Variants in PDE4B observed in about 807,000 individuals in gnomAD.
The protein encoded by PDE4B is 3',5'-cyclic-AMP phosphodiesterase 4B.
A neutral mutation model predicts 82.2 loss-of-function variants in PDE4B; 20 were observed. That is an observed-to-expected ratio of 0.24 (90% CI 0.17 to 0.35). PDE4B has a LOEUF of 0.35. PDE4B is among the 10% of genes least tolerant of loss of function. PDE4B has a pLI of 1.00. For synonymous variants in PDE4B, 320 were observed against 318.9 expected (o/e 1.00, Z -0.04); for missense variants, 655 against 907.2 (o/e 0.72, Z 3.57).
At chr1:66,250,549 G>C (rs1653680435) in intron 4 of PDE4B, among the ~76,000 whole-genome samples, 1 of 152,210 alleles carries the variant, frequency 6.6e-6, no homozygotes, top group Non-Finnish European at 1.5e-5. Context: ...CAACAAAGGA[G>C]AGGATCAGAA....
intron 7 of PDE4B, among the ~76,000 whole-genome samples, chr1:66,312,671 A>G (rs1232580860): frequency 6.6e-6 from 1 of 152,214 alleles, no homozygotes; most frequent in Non-Finnish European, 1.5e-5. Flanking sequence ...GGATGCAGAC[A>G]TCTTTAGGAG....
chr1:66,072,726 C>T (rs1656215457), intron 3 of PDE4B, among the ~76,000 whole-genome samples: 1 of 152,116 alleles, frequency 6.6e-6, no homozygotes, highest in South Asian at 2.1e-4. Flanking sequence ...GTCCTAAATA[C>T]CTGCTCTGTT....
chr1:65,997,905 G>A (rs1209150289), intron 3 of PDE4B, among the ~76,000 whole-genome samples: 1 of 152,192 alleles, frequency 6.6e-6, no homozygotes, highest in Non-Finnish European at 1.5e-5. Flanking sequence ...TAGAGAGTGA[G>A]TCAATGTGTT....
intron 8 of PDE4B, among the ~76,000 whole-genome samples, chr1:66,350,846 A>G (rs1310247098): frequency 1.3e-5 from 2 of 152,216 alleles, no homozygotes; most frequent in Non-Finnish European, 2.9e-5. Context: ...TAATCTCTGT[A>G]TGCAGTGTTA....
At chr1:66,239,112 CTTATTTAAT>C (rs1348037025) in intron 3 of PDE4B, among the ~76,000 whole-genome samples, 1 of 152,114 alleles carries the variant, frequency 6.6e-6, no homozygotes, top group African/African-American at 2.4e-5. Flanking sequence ...TAATAAAAAT[CTTATTTAAT>C]TAATAGATTG....
chr1:65,818,685 C>CACACACATATATATATATATATATAT (rs141035147), intron 1 of PDE4B, among the ~76,000 whole-genome samples: 51 of 143,766 alleles, frequency 3.5e-4, no homozygotes, highest in African/African-American at 9.9e-4. Flanking sequence ...CACACACACA[C>CACACACATATATATATATATATATAT]ATATATATAT....
chr1:66,355,040 A>G, intron 8 of PDE4B: 1 of 640,334 alleles, frequency 1.6e-6, no homozygotes, highest in South Asian at 2.1e-5. Flanking sequence ...AAATAAGAGC[A>G]TGTTATATTA....
In PDE4B at chr1:66,374,444, T is replaced by C. The variant is rs959234955; in HGVS notation, c.*1766T>C. 1.3e-5 allele frequency: 2 copies of C among 152,662 alleles called. No homozygotes were observed. The highest frequency in any genetic ancestry group is 2.4e-5 in the African/African-American group (1 of 41,452). The allele number at this position is 152,662 out of a possible 1,614,324, so 9.5% of individuals were successfully genotyped here. ...CAATGTATGTCTATGAACACTGCAT[T>C]GTTTCAGGTGGACATTTTATCATTT... is the stretch of plus-strand genomic sequence containing the variant. On this transcript the variant is annotated 3_prime_UTR_variant, in exon 17 of 17. Transcript: ENST00000341517.
At chr1:65,793,629 C>A (rs755795331) in intron 1 of PDE4B, among the ~76,000 whole-genome samples, 7 of 152,128 alleles carry the variant, frequency 4.6e-5, no homozygotes, top group Non-Finnish European at 8.8e-5. Context: ...AGGCAGCGGG[C>A]GCGGAAGGGA....
chr1:66,094,725 A>G (rs1440663466), intron 3 of PDE4B, among the ~76,000 whole-genome samples: 3 of 152,026 alleles, frequency 2.0e-5, no homozygotes, highest in Non-Finnish European at 4.4e-5. Context: ...TTAAAGTGAT[A>G]TCTGAATTCA....
intron 8 of PDE4B, among the ~76,000 whole-genome samples, chr1:66,343,434 CT>C (rs141001320): frequency 6.6e-6 from 1 of 152,130 alleles, no homozygotes; most frequent in Non-Finnish European, 1.5e-5. Context: ...AACTGTGGGG[CT>C]TTTTTTGAAA....
chr1:66,282,071 C>G (rs1012884779), intron 7 of PDE4B, among the ~76,000 whole-genome samples: 1 of 152,192 alleles, frequency 6.6e-6, no homozygotes, highest in Admixed American at 6.5e-5. Context: ...GTTGAAGGTA[C>G]GTACACCCTT....
intron 3 of PDE4B, among the ~76,000 whole-genome samples, chr1:66,180,266 A>G (rs1647032666): frequency 6.6e-6 from 1 of 152,200 alleles, no homozygotes; most frequent in African/African-American, 2.4e-5. Context: ...GAACATGTGA[A>G]ACAACACAGC....
chr1:66,200,852 A>G (rs1457966982), intron 3 of PDE4B, among the ~76,000 whole-genome samples: 1 of 152,020 alleles, frequency 6.6e-6, no homozygotes, highest in Non-Finnish European at 1.5e-5. Context: ...TCTCCTACCT[A>G]ATTGCCCTGG....
At chr1:66,162,044 T>C (rs1646623663) in intron 3 of PDE4B, among the ~76,000 whole-genome samples, 1 of 152,030 alleles carries the variant, frequency 6.6e-6, no homozygotes, top group Non-Finnish European at 1.5e-5. Flanking sequence ...GAGTAGGTGC[T>C]CACTGAATGG....
intron 8 of PDE4B, among the ~76,000 whole-genome samples, chr1:66,338,906 C>G (rs539054286): frequency 6.6e-6 from 1 of 150,444 alleles, no homozygotes; most frequent in African/African-American, 2.4e-5. Flanking sequence ...GTAGTCCCAG[C>G]TACTTGGGAG....
chr1:65,931,795 G>C (rs1279158093), intron 3 of PDE4B, among the ~76,000 whole-genome samples: 4 of 152,154 alleles, frequency 2.6e-5, no homozygotes, highest in African/African-American at 7.2e-5. Context: ...ATAGCTCCCA[G>C]CTTCTCCCTG....
chr1:66,202,723 T>C (rs1005890108), intron 3 of PDE4B, among the ~76,000 whole-genome samples: 5 of 152,144 alleles, frequency 3.3e-5, no homozygotes, highest in Non-Finnish European at 7.3e-5. Flanking sequence ...CATCCCTTTA[T>C]TTTGAGTCTA....
intron 3 of PDE4B, among the ~76,000 whole-genome samples, chr1:66,040,085 G>C (rs1419064623): frequency 5.3e-5 from 8 of 152,000 alleles, no homozygotes. Flanking sequence ...TCCTGTTAGA[G>C]AAGATAGTTG....
Sources: gnomAD v4.1 joint callset for allele counts (sites outside exome capture counted in the v4.1 genomes callset) on GRCh38, gnomAD v4.1.1 for gene constraint, MANE v1.5 for transcripts, NCBI Gene and HGNC (gene_info 2026-07-23, HGNC 2026-07-21) for gene names.